Variants in DPH6 observed in about 807,000 individuals in gnomAD.
DPH6 encodes the protein diphthamine biosynthesis 6.
In DPH6, 33 loss-of-function variants were observed where a neutral mutation model predicts 38.2. That is an observed-to-expected ratio of 0.86 (90% CI 0.65 to 1.15). The LOEUF is 1.15. DPH6 is among the 50% of genes most tolerant of loss of function. The pLI is 0.00. For synonymous variants in DPH6, 108 were observed against 103.0 expected (o/e 1.05, Z -0.30); for missense variants, 325 against 320.0 (o/e 1.02, Z -0.12).
intron 3 of DPH6, among the ~76,000 whole-genome samples, chr15:35,317,287 G>GAGAA (rs1340528880): frequency 7.1e-6 from 1 of 141,786 alleles, no homozygotes; most frequent in East Asian, 2.0e-4. Context: ...GAGAGAGAGA[G>GAGAA]AGAAAGAAAG....
At chr15:35,265,445 T>C (rs2051777265) in intron 3 of DPH6, among the ~76,000 whole-genome samples, 1 of 152,206 alleles carries the variant, frequency 6.6e-6, no homozygotes, top group Non-Finnish European at 1.5e-5. Flanking sequence ...TAGGCATTTC[T>C]TCAAAGAAAG....
chr15:35,396,260 T>C (rs924373026), intron 6 of DPH6: 1 of 152,216 alleles, frequency 6.6e-6, no homozygotes, highest in Non-Finnish European at 1.5e-5. Flanking sequence ...AATGCAAGAA[T>C]TCCTCTGGCC....
At chr15:35,165,994 A>G in the DPH6 span, among the ~76,000 whole-genome samples, 1 of 152,002 alleles carries the variant, frequency 6.6e-6, no homozygotes, top group South Asian at 2.1e-4. Flanking sequence ...ACTGCCTAAC[A>G]CACATGCTAA....
At chr15:35,180,617 T>G in the DPH6 span, among the ~76,000 whole-genome samples, 1 of 152,148 alleles carries the variant, frequency 6.6e-6, no homozygotes, top group South Asian at 2.1e-4. Context: ...TGTGCCACCA[T>G]GCCCAGATAA....
chr15:35,433,091 TTG>T (rs2053652488), intron 5 of DPH6, among the ~76,000 whole-genome samples: 1 of 152,134 alleles, frequency 6.6e-6, no homozygotes. Flanking sequence ...ACATATATAA[TTG>T]TGTCAAAGAA....
chr15:35,529,155 T>G (rs1269172537), intron 3 of DPH6, among the ~76,000 whole-genome samples: 2 of 152,320 alleles, frequency 1.3e-5, no homozygotes, highest in East Asian at 3.9e-4. Context: ...TAGTCTGTTC[T>G]CGCACTGCTA....
intron 5 of DPH6, among the ~76,000 whole-genome samples, chr15:35,416,037 T>G (rs1175989919): frequency 6.6e-6 from 1 of 152,024 alleles, no homozygotes; most frequent in Non-Finnish European, 1.5e-5. Flanking sequence ...GCCTGATGTT[T>G]TAGACCATGG....
At chr15:35,284,380 T>C (rs1029719698) in intron 3 of DPH6, among the ~76,000 whole-genome samples, 1 of 152,134 alleles carries the variant, frequency 6.6e-6, no homozygotes, top group Non-Finnish European at 1.5e-5. Context: ...TAAAATGTGT[T>C]ATTTGGCTAA....
chr15:35,237,884 G>A, intron 3 of DPH6: 1 of 1,448,766 alleles, frequency 6.9e-7, no homozygotes, highest in Non-Finnish European at 9.7e-7. Flanking sequence ...TCAGGTAGTG[G>A]AGGACGAGGA....
Position 35,454,612 on chromosome 15 carries a change from A to G in DPH6, c.386+135T>C, listed in dbSNP as rs1372084437. 16 of 655,170 alleles carry G rather than the reference A, an allele frequency of 2.4e-5. No individual in the cohort carries two copies. In the South Asian group the frequency reaches 2.9e-4, roughly 12 times the overall value. The allele number at this position is 655,170 out of a possible 1,614,324, so 40.6% of individuals were successfully genotyped here. On this transcript the variant is annotated intron_variant, in intron 4 of 8. Coordinates refer to ENST00000256538, the MANE Select transcript of DPH6 (RefSeq NM_080650.4). The stretch of plus-strand genomic sequence containing the variant: ...AAGCATGACTTTTGTTACTTAGGTA[A>G]ATACACACATTTAGTTCCATGGAGC...
At chr15:35,290,898 C>T (rs1458089320) in intron 3 of DPH6, among the ~76,000 whole-genome samples, 1 of 151,784 alleles carries the variant, frequency 6.6e-6, no homozygotes, top group South Asian at 2.1e-4. Flanking sequence ...ATCACATTCT[C>T]GTGTAGTTAT....
chr15:35,395,248 C>T (rs1421387276), intron 6 of DPH6, among the ~76,000 whole-genome samples: 2 of 152,122 alleles, frequency 1.3e-5, no homozygotes, highest in Admixed American at 1.3e-4. Context: ...TCCACCTCTC[C>T]ATCCCTACTG....
chr15:35,299,607 G>A (rs1405168581), intron 3 of DPH6, among the ~76,000 whole-genome samples: 1 of 152,230 alleles, frequency 6.6e-6, no homozygotes, highest in East Asian at 1.9e-4. Flanking sequence ...GGGAGAGCGC[G>A]CCCCATCTCT....
intron 3 of DPH6, among the ~76,000 whole-genome samples, chr15:35,235,758 T>C (rs922753292): frequency 6.6e-6 from 1 of 152,236 alleles, no homozygotes; most frequent in Non-Finnish European, 1.5e-5. Flanking sequence ...AATTCCTATA[T>C]ATCAAGGTCT....
intron 3 of DPH6, among the ~76,000 whole-genome samples, chr15:35,342,825 G>A (rs571096559): frequency 1.2e-4 from 18 of 152,196 alleles, no homozygotes; most frequent in Admixed American, 5.2e-4. Flanking sequence ...ATTTTAAGAG[G>A]AGGTTCATTA....
At chr15:35,486,506 G>A (rs931446180) in intron 3 of DPH6, among the ~76,000 whole-genome samples, 2 of 151,992 alleles carry the variant, frequency 1.3e-5, no homozygotes, top group Non-Finnish European at 2.9e-5. Flanking sequence ...GAAGGGAAGT[G>A]CCACACTTTT....
At chr15:35,147,102 T>C in the DPH6 span, among the ~76,000 whole-genome samples, 1 of 152,230 alleles carries the variant, frequency 6.6e-6, no homozygotes, top group African/African-American at 2.4e-5. Context: ...GTGCTTTCTA[T>C]ATGGCAAGCA....
intron 3 of DPH6, among the ~76,000 whole-genome samples, chr15:35,223,909 C>T (rs8029841): frequency 0.89 from 134,804 of 151,940 alleles, 60,270 homozygotes; most frequent in East Asian, 1. Context: ...AAATCCCCCA[C>T]GCTCCACCTA....
chr15:35,219,143 A>T (rs1186487779), exon 4 of DPH6: 1 of 152,200 alleles, frequency 6.6e-6, no homozygotes, highest in Non-Finnish European at 1.5e-5. Flanking sequence ...AATGTGGTTG[A>T]TATAAAGCAG....
Sources: allele counts gnomAD v4.1 joint callset (sites outside exome capture counted in the v4.1 genomes callset), GRCh38; gene constraint gnomAD v4.1.1; transcripts MANE v1.5; gene names NCBI Gene and HGNC (gene_info 2026-07-23, HGNC 2026-07-21).